Variants in ZNF492 observed in about 807,000 individuals in gnomAD.
The protein encoded by ZNF492 is zinc finger protein 115 (Y20).
ZNF492 carries 3 observed loss-of-function variants against 6.4 expected under a neutral mutation model. That is an observed-to-expected ratio of 0.47 (90% CI 0.21 to 1.22). The LOEUF (loss-of-function observed/expected upper bound fraction) is 1.22. ZNF492 is among the 50% of genes most tolerant of loss of function. The pLI is 0.22. For missense variants in ZNF492, 356 were observed against 612.5 expected (o/e 0.58, Z 4.42); for synonymous variants, 112 against 205.3 (o/e 0.55, Z 3.89).
At chr19:22,660,057 G>A (rs902813342) in intron 3 of ZNF492, among the ~76,000 whole-genome samples, 1 of 152,096 alleles carries the variant, frequency 6.6e-6, no homozygotes, top group African/African-American at 2.4e-5. Context: ...GACTTAAGAT[G>A]TAGCTTGCAT....
intron 1 of ZNF492, among the ~76,000 whole-genome samples, chr19:22,648,835 T>C (rs1277694142): frequency 6.6e-6 from 1 of 152,252 alleles, no homozygotes; most frequent in African/African-American, 2.4e-5. Flanking sequence ...TCTTTACACA[T>C]GAGATGGGTC....
Position 22,666,343 on chromosome 19 carries a change from A to G in ZNF492, c.*1078A>G, listed in dbSNP as rs1972128093. The G allele has an allele frequency of 6.6e-6, 1 of 151,982 alleles. No homozygotes were observed. The highest frequency in any genetic ancestry group is 1.5e-5 in the Non-Finnish European group (1 of 68,014). 9.4% of individuals were successfully genotyped at this position (151,982 alleles called of 1,614,324 possible). ...GTGGCTGGGATTACAGGCGCAAACC[A>G]CCATGCGTGGCTAAATTTTGTATTT... On this transcript the variant is annotated 3_prime_UTR_variant, in exon 4 of 4. Coordinates refer to ENST00000456783, the MANE Select transcript of ZNF492 (RefSeq NM_020855.3).
At position 22,653,405 on chromosome 19, in the gene ZNF492, A is replaced by G. The variant is rs1473545207; in HGVS notation, c.6A>G (p.Leu2=). The G allele has an allele frequency of 1.2e-6, 2 of 1,613,904 alleles. No individual in the cohort carries two copies. The highest frequency in any genetic ancestry group is 2.7e-5 in the African/African-American group (2 of 74,824). ...AGAATTTATATAGGAATGTGATGTT[A>G]GAGAACTACAGAAACCTGGTCTTCG... M[L]ENYRNLVFVG... is the part of the protein sequence containing the mutation. Residue 2 remains leucine, a synonymous_variant, in exon 2 of 4, where the codon TTA becomes TTG. Coordinates refer to ENST00000456783, the MANE Select transcript of ZNF492 (RefSeq NM_020855.3).
chr19:22,650,941 C>G (rs1215474262), intron 1 of ZNF492, among the ~76,000 whole-genome samples: 2 of 152,226 alleles, frequency 1.3e-5, no homozygotes, highest in South Asian at 2.1e-4. Context: ...TGCTGGTCAC[C>G]CCTCCCCTGG....
chr19:22,639,509 A>G (rs1971802707), intron 1 of ZNF492, among the ~76,000 whole-genome samples: 1 of 151,906 alleles, frequency 6.6e-6, no homozygotes, highest in Admixed American at 6.6e-5. Flanking sequence ...TCGGAAGTTC[A>G]AGACCAGCCT....
intron 1 of ZNF492, among the ~76,000 whole-genome samples, chr19:22,637,372 C>T (rs1971779780): frequency 6.6e-6 from 1 of 151,934 alleles, no homozygotes; most frequent in South Asian, 2.1e-4. Context: ...CTTACTGCAG[C>T]CTTAACCTCC....
chr19:22,649,064 A>G (rs1185840643), intron 1 of ZNF492, among the ~76,000 whole-genome samples: 1 of 152,122 alleles, frequency 6.6e-6, no homozygotes, highest in African/African-American at 2.4e-5. Flanking sequence ...AGTGGCTGGT[A>G]CCAGTTTTTC....
At chr19:22,651,009 C>T (rs1426368700) in intron 1 of ZNF492, among the ~76,000 whole-genome samples, 1 of 152,178 alleles carries the variant, frequency 6.6e-6, no homozygotes. Flanking sequence ...CTGCACAGCT[C>T]TGGGGTTGGG....
At chr19:22,647,727 G>GA (rs1971896869) in intron 1 of ZNF492, among the ~76,000 whole-genome samples, 1 of 92,576 alleles carries the variant, frequency 1.1e-5, no homozygotes, top group Non-Finnish European at 2.1e-5. Context: ...AGCTCTTTTA[G>GA]TTTTTTTTTT....
intron 3 of ZNF492, among the ~76,000 whole-genome samples, chr19:22,660,181 A>G (rs963556865): frequency 9.9e-6 from 1 of 100,562 alleles, no homozygotes; most frequent in Non-Finnish European, 1.9e-5. Context: ...ACTCTTGTAG[A>G]AAAAAAAGTT....
At chr19:22,655,822 T>G (rs1197376490) in intron 3 of ZNF492, among the ~76,000 whole-genome samples, 7 of 109,234 alleles carry the variant, frequency 6.4e-5, no homozygotes, top group South Asian at 6.8e-4. Context: ...TGTTGTTTTT[T>G]TTTTTTTTTT....
intron 1 of ZNF492, 93 bp from the exon 2 acceptor site, chr19:22,653,214 A>G: frequency 7.0e-7 from 1 of 1,419,678 alleles, no homozygotes; most frequent in Non-Finnish European, 9.6e-7. Flanking sequence ...AGTAAGAACC[A>G]GTTCTCTTTA....
At chr19:22,662,085 C>T (rs1008388150) in intron 3 of ZNF492, among the ~76,000 whole-genome samples, 3 of 152,136 alleles carry the variant, frequency 2.0e-5, no homozygotes, top group Non-Finnish European at 1.5e-5. Context: ...CTTCCCCCAG[C>T]CCCTCATACC....
At chr19:22,662,504 A>G (rs1415234890) in intron 3 of ZNF492, among the ~76,000 whole-genome samples, 54 of 152,376 alleles carry the variant, frequency 3.5e-4, no homozygotes, top group Non-Finnish European at 4.4e-4. Flanking sequence ...TTGAGGAATC[A>G]TAACACTGTC....
chr19:22,651,221 G>T (rs1971936988), intron 1 of ZNF492, among the ~76,000 whole-genome samples: 1 of 151,976 alleles, frequency 6.6e-6, no homozygotes, highest in Admixed American at 6.6e-5. Flanking sequence ...CTCTCTGTGG[G>T]TCATGCCAGC....
In ZNF492 at chr19:22,667,056, C is replaced by T. The variant is rs1278058493; in HGVS notation, c.*1791C>T. 1 of 152,046 alleles carries T rather than the reference C, an allele frequency of 6.6e-6. No individual in the cohort carries two copies. The highest frequency in any genetic ancestry group is 2.4e-5 in the African/African-American group (1 of 41,398). The allele number at this position is 152,046 out of a possible 1,614,324, so 9.4% of individuals were successfully genotyped here. The stretch of plus-strand genomic sequence containing the variant: ...CCAGCCTGACCAACATGGAGAAACG[C>T]CATCTCTACTAAAAATACAAAATTA... On this transcript the variant is annotated 3_prime_UTR_variant, in exon 4 of 4. Transcript: ENST00000456783.
chr19:22,647,254 G>GTT (rs1210928590), intron 1 of ZNF492, among the ~76,000 whole-genome samples: 1 of 129,360 alleles, frequency 7.7e-6, no homozygotes, highest in Non-Finnish European at 1.6e-5. Flanking sequence ...TTGTTTGTTT[G>GTT]TTGTTGTTTT....
chr19:22,637,101 T>TG (rs1176720252), intron 1 of ZNF492, among the ~76,000 whole-genome samples: 1 of 148,598 alleles, frequency 6.7e-6, no homozygotes, highest in East Asian at 2.0e-4. Flanking sequence ...GATTACAGGC[T>TG]CTTGCCACCA....
intron 3 of ZNF492, among the ~76,000 whole-genome samples, chr19:22,662,554 T>A (rs1033307585): frequency 5.3e-5 from 8 of 152,160 alleles, no homozygotes; most frequent in Non-Finnish European, 1.0e-4. Context: ...CCACCAACAG[T>A]GTAAAAGCGT....
Sources: gnomAD v4.1 joint callset for allele counts (sites outside exome capture counted in the v4.1 genomes callset) on GRCh38, gnomAD v4.1.1 for gene constraint, MANE v1.5 for transcripts, NCBI Gene and HGNC (gene_info 2026-07-23, HGNC 2026-07-21) for gene names.